APP: variants seen among roughly 807,000 people sequenced by gnomAD.
The protein encoded by APP is amyloid beta precursor protein, also known as amyloid-beta precursor protein.
Under a neutral mutation model 101.4 loss-of-function variants are expected in APP, and 31 were observed. The ratio of observed to expected loss-of-function variants is 0.31; its 90% CI spans 0.23 to 0.41. APP has a LOEUF of 0.41. Among genes scored for constraint, APP ranks in the 10% least tolerant of loss-of-function variants. The probability of loss-of-function intolerance (pLI) is 1.00; values close to 1 mark genes in which losing one functional copy is unlikely to be tolerated. For synonymous variants in APP, 366 were observed against 364.4 expected, an observed-to-expected ratio of 1.00 and a Z score of -0.05; for missense variants, 839 against 1,003.7, an observed-to-expected ratio of 0.84 and a Z score of 2.22.
At chr21:26,112,290 A>G (rs1292900846) in intron 1 of APP, 144 bp from the exon 2 acceptor site, 9 of 810,618 alleles carry the variant, frequency 1.1e-5, no homozygotes, top group Non-Finnish European at 1.9e-5. Context: ...ACTCCTTTAG[A>G]TTAAGTGTTA....
chr21:26,136,306 C>T (rs535116678), intron 1 of APP, among the ~76,000 whole-genome samples: 14 of 152,164 alleles, frequency 9.2e-5, no homozygotes, highest in Middle Eastern at 3.4e-3. Context: ...CACACAGGCA[C>T]GCACACGATG....
Position 26,083,138 on chromosome 21 carries a change from G to A in APP, c.355+6805C>T, listed in dbSNP as rs180872463. Among the ~76,000 whole-genome samples the A allele has an allele frequency of 4.2e-3, 645 of 152,112 alleles. 8 individuals carry two copies. The highest frequency in any genetic ancestry group is 0.015 in the African/African-American group (613 of 41,496). On this transcript the variant is annotated intron_variant, in intron 3 of 17. Coordinates refer to ENST00000346798, the MANE Select transcript of APP (RefSeq NM_000484.4). ...ATATTTTCATAAACAATTATGTGGC[G>A]CATATATTTTATTACACCAACTATA...
At chr21:25,993,033 T>G (rs927559468) in intron 8 of APP, among the ~76,000 whole-genome samples, 1 of 152,166 alleles carries the variant, frequency 6.6e-6, no homozygotes, top group Non-Finnish European at 1.5e-5. Context: ...ACCCTGGGGT[T>G]AAGGTGGCAT....
chr21:26,130,054 G>A (rs1005676780), intron 1 of APP, among the ~76,000 whole-genome samples: 2 of 152,166 alleles, frequency 1.3e-5, no homozygotes, highest in African/African-American at 4.8e-5. Context: ...TTCCTGAGAT[G>A]TTATATTGAA....
chr21:25,888,033 TCTC>T (rs1325799007), intron 17 of APP, among the ~76,000 whole-genome samples: 14 of 152,026 alleles, frequency 9.2e-5, no homozygotes, highest in African/African-American at 3.4e-4. Flanking sequence ...AAACAAAAAA[TCTC>T]CTGGAAACCA....
chr21:25,957,373 AT>A (rs1195134326), intron 11 of APP, among the ~76,000 whole-genome samples: 10 of 152,228 alleles, frequency 6.6e-5, no homozygotes, highest in African/African-American at 2.4e-4. Context: ...AAAAAAGAAC[AT>A]TTGAAAACAT....
Position 25,975,093 on chromosome 21 carries a change from C to T in APP, c.1435G>A (p.Ala479Thr), listed in dbSNP as rs143794560. ...RRLALENYIT[A>T]LQAVPPRPRH... is the part of the protein sequence containing the mutation. ...ACCCGAGGAGGAACAGCCTGCAGAG[C>T]GGTGATGTAGTTCTCCAGGGCCAGG... is the stretch of plus-strand genomic sequence containing the variant. The change falls in exon 11 of 18, where the codon GCT becomes ACT. Residue 479 changes from alanine to threonine, a missense_variant. Physicochemically the swap from Ala to Thr is moderately conservative, Grantham distance 58 (BLOSUM62 0). Transcript: ENST00000346798. The T allele has an allele frequency of 1.9e-6, 3 of 1,614,068 alleles. No individual in the cohort carries two copies. Among genetic ancestry groups the T allele is most frequent in the Non-Finnish European group, 2.5e-6 (3 of 1,180,010 alleles).
chr21:26,074,145 G>C (rs1010895158), intron 3 of APP, among the ~76,000 whole-genome samples: 1 of 152,068 alleles, frequency 6.6e-6, no homozygotes, highest in African/African-American at 2.4e-5. Flanking sequence ...AAAAAGATTT[G>C]GGGGAACTGA....
At chr21:26,002,142 C>T (rs1237220294) in intron 6 of APP, among the ~76,000 whole-genome samples, 1 of 152,140 alleles carries the variant, frequency 6.6e-6, no homozygotes, top group Non-Finnish European at 1.5e-5. Context: ...TTGATGCTTT[C>T]GTAGCCACGT....
intron 5 of APP, among the ~76,000 whole-genome samples, chr21:26,028,761 A>G (rs921071356): frequency 8.5e-5 from 13 of 152,194 alleles, no homozygotes; most frequent in Non-Finnish European, 1.8e-4. Context: ...TGCCAGTACT[A>G]TTCCAGGTAG....
intron 11 of APP, among the ~76,000 whole-genome samples, chr21:25,965,985 T>A (rs4175): frequency 1.3e-5 from 2 of 152,008 alleles, no homozygotes; most frequent in Admixed American, 6.6e-5. Flanking sequence ...GACTGAGCAG[T>A]GCTCCACTGT....
At chr21:26,111,499 A>T (rs1296095166) in intron 2 of APP, among the ~76,000 whole-genome samples, 1 of 152,138 alleles carries the variant, frequency 6.6e-6, no homozygotes, top group Non-Finnish European at 1.5e-5. Flanking sequence ...GCACTTTGGG[A>T]GGTCCAGCCA....
At chr21:26,146,006 T>A (rs1031744154) in intron 1 of APP, among the ~76,000 whole-genome samples, 1 of 152,208 alleles carries the variant, frequency 6.6e-6, no homozygotes, top group Non-Finnish European at 1.5e-5. Flanking sequence ...AACTAATTAG[T>A]TTCTAGAATT....
rs531833758 is a variant in APP at position 26,159,237 on chromosome 21, G to A, written c.57+11327C>T. On this transcript the variant is annotated intron_variant, in intron 1 of 17. Coordinates refer to ENST00000346798, the MANE Select transcript of APP (RefSeq NM_000484.4). The stretch of plus-strand genomic sequence containing the variant: ...TGGGACTACAGGTGCCTGTCACCAC[G>A]CCCGGTTAATTTGTTGTATTTTTAG... Among the ~76,000 whole-genome samples, 166 of 152,112 alleles carry A rather than the reference G, an allele frequency of 1.1e-3. 1 individual carries two copies. Among genetic ancestry groups the A allele is most frequent in the African/African-American group, 3.7e-3 (153 of 41,490 alleles).
intron 13 of APP, among the ~76,000 whole-genome samples, chr21:25,929,670 C>T (rs1242883564): frequency 6.6e-6 from 1 of 152,098 alleles, no homozygotes; most frequent in Non-Finnish European, 1.5e-5. Context: ...TTTGCTACGT[C>T]TATAACAGTA....
chr21:26,083,515 AT>A (rs2061639592), intron 3 of APP, among the ~76,000 whole-genome samples: 2 of 152,230 alleles, frequency 1.3e-5, no homozygotes, highest in South Asian at 4.1e-4. Flanking sequence ...GGTTTTGATT[AT>A]TTTTAGCTAG....
At chr21:26,163,144 G>A in intron 1 of APP, among the ~76,000 whole-genome samples, 2 of 148,880 alleles carry the variant, frequency 1.3e-5, no homozygotes, top group Non-Finnish European at 3.0e-5. Context: ...AGGAGGCTGA[G>A]GCATGAGAAT....
chr21:26,065,136 C>T (rs545622795), intron 3 of APP, among the ~76,000 whole-genome samples: 56 of 152,136 alleles, frequency 3.7e-4, no homozygotes, highest in African/African-American at 1.2e-3. Context: ...TTACAGGCAC[C>T]GGCCACCCCG....
chr21:25,974,268 T>C (rs1158981704), intron 11 of APP, among the ~76,000 whole-genome samples: 2 of 152,168 alleles, frequency 1.3e-5, no homozygotes, highest in Admixed American at 6.5e-5. Context: ...AGTTATATTA[T>C]TATACTTACA....
Sources: allele counts gnomAD v4.1 joint callset (sites outside exome capture counted in the v4.1 genomes callset), GRCh38; gene constraint gnomAD v4.1.1; transcripts MANE v1.5; gene names NCBI Gene and HGNC (gene_info 2026-07-23, HGNC 2026-07-21).